TBC1D22A: variants seen among roughly 807,000 people sequenced by gnomAD.
TBC1D22A encodes putative GTPase activator.
TBC1D22A carries 38 observed loss-of-function variants against 60.2 expected under a neutral mutation model. The ratio of observed to expected loss-of-function variants is 0.63; its 90% CI spans 0.49 to 0.83. The LOEUF (loss-of-function observed/expected upper bound fraction) is 0.83, where lower values mean the gene tolerates loss of function less well. TBC1D22A is among the 40% of genes least tolerant of loss of function. The pLI is 0.00. For missense variants in TBC1D22A, 628 were observed against 701.0 expected (o/e 0.90, Z 1.18); for synonymous variants, 302 against 281.7 (o/e 1.07, Z -0.72).
intron 10 of TBC1D22A, among the ~76,000 whole-genome samples, chr22:47,015,611 G>A (rs549320869): frequency 3.3e-5 from 5 of 152,324 alleles, no homozygotes; most frequent in Admixed American, 3.3e-4. Flanking sequence ...TAATTGTTCT[G>A]GTTGAACACG....
intron 12 of TBC1D22A, among the ~76,000 whole-genome samples, chr22:47,126,487 G>A (rs2066462758): frequency 6.6e-6 from 1 of 152,218 alleles, no homozygotes; most frequent in African/African-American, 2.4e-5. Flanking sequence ...TCCTGTCTCT[G>A]CAGCCTGGTG....
chr22:46,873,522 T>G (rs1033332275), intron 4 of TBC1D22A, among the ~76,000 whole-genome samples: 1 of 152,212 alleles, frequency 6.6e-6, no homozygotes, highest in African/African-American at 2.4e-5. Flanking sequence ...ACTTATTTAT[T>G]TTTAAATTCA....
intron 4 of TBC1D22A, among the ~76,000 whole-genome samples, chr22:46,872,749 G>A (rs1370452479): frequency 6.6e-6 from 1 of 152,222 alleles, no homozygotes; most frequent in African/African-American, 2.4e-5. Flanking sequence ...GAGTGTTGGA[G>A]AGGAGGGAAT....
At chr22:46,922,171 C>G (rs1387790236) in intron 8 of TBC1D22A, among the ~76,000 whole-genome samples, 3 of 152,190 alleles carry the variant, frequency 2.0e-5, no homozygotes, top group African/African-American at 7.2e-5. Context: ...TTTTTGTCCA[C>G]TTTGTCAAAG....
At chr22:47,035,691 G>A (rs748284609) in intron 10 of TBC1D22A, among the ~76,000 whole-genome samples, 12 of 152,164 alleles carry the variant, frequency 7.9e-5, no homozygotes, top group African/African-American at 1.2e-4. Context: ...TCCCGCCACA[G>A]CAGGGTCCCA....
In TBC1D22A at chr22:46,990,685, GTC is replaced by G. The variant is rs2074905526; in HGVS notation, c.1126-6946_1126-6945del. Among the ~76,000 whole-genome samples the G allele has an allele frequency of 6.6e-6, 1 of 152,036 alleles. No homozygotes were observed. The highest frequency in any genetic ancestry group is 6.5e-5 in the Admixed American group (1 of 15,268). ...CCACCCAACCCCTGGGCTTTTTACT[GTC>G]TCCATAGTTTCACCTTTGCCAGAAT... is the stretch of plus-strand genomic sequence containing the variant. On this transcript the variant is annotated intron_variant, in intron 9 of 12. Transcript: ENST00000337137. The surrounding 1 kb of genome is among the most constrained non-coding windows in gnomAD (Gnocchi z 4.6).
chr22:46,869,817 G>T (rs776479066), intron 4 of TBC1D22A, among the ~76,000 whole-genome samples: 25 of 152,092 alleles, frequency 1.6e-4, no homozygotes, highest in Non-Finnish European at 3.7e-4. Flanking sequence ...TGAATCTTAA[G>T]AAAAAAAGAC....
At chr22:46,952,706 C>T (rs1057009326) in intron 8 of TBC1D22A, among the ~76,000 whole-genome samples, 2 of 152,206 alleles carry the variant, frequency 1.3e-5, no homozygotes, top group Admixed American at 1.3e-4. Context: ...CCCACACCTG[C>T]TGCCTTGGCC....
intron 7 of TBC1D22A, among the ~76,000 whole-genome samples, chr22:46,896,975 T>G (rs9615418): frequency 0.57 from 85,958 of 152,058 alleles, 27,094 homozygotes; most frequent in Middle Eastern, 0.79. Context: ...GATAGCTTTA[T>G]GAAATTAAAT....
chr22:47,085,222 G>A (rs1032410227), intron 11 of TBC1D22A, among the ~76,000 whole-genome samples: 4 of 152,248 alleles, frequency 2.6e-5, no homozygotes, highest in African/African-American at 9.6e-5. Flanking sequence ...GGAGGTTGCA[G>A]TGAGCTGAGA....
At chr22:46,833,526 G>GCTA (rs1816328457) in intron 4 of TBC1D22A, among the ~76,000 whole-genome samples, 1 of 152,170 alleles carries the variant, frequency 6.6e-6, no homozygotes, top group African/African-American at 2.4e-5. Flanking sequence ...AGGGCTTTGT[G>GCTA]CTACTGTCCC....
intron 9 of TBC1D22A, among the ~76,000 whole-genome samples, chr22:46,978,965 A>G (rs1317596717): frequency 1.3e-5 from 2 of 152,126 alleles, no homozygotes; most frequent in Non-Finnish European, 2.9e-5. Flanking sequence ...CATTCATACT[A>G]TACTATTACT....
intron 4 of TBC1D22A, among the ~76,000 whole-genome samples, chr22:46,798,796 G>A (rs972218367): frequency 5.3e-5 from 8 of 152,240 alleles, no homozygotes; most frequent in African/African-American, 1.7e-4. Flanking sequence ...AGTGGCGCAC[G>A]CGGATGGGCC....
intron 4 of TBC1D22A, among the ~76,000 whole-genome samples, chr22:46,861,677 G>A (rs934004999): frequency 6.6e-6 from 1 of 152,242 alleles, no homozygotes; most frequent in Non-Finnish European, 1.5e-5. Context: ...GAGGGCGGCT[G>A]TTGCCCTCAC....
intron 11 of TBC1D22A, among the ~76,000 whole-genome samples, chr22:47,095,718 T>A (rs150748019): frequency 2.3e-4 from 35 of 152,356 alleles, no homozygotes; most frequent in Non-Finnish European, 4.7e-4. Context: ...CCCTGGCCCC[T>A]GAGGAAACTC....
At chr22:47,082,156 T>C (rs2064494642) in intron 11 of TBC1D22A, among the ~76,000 whole-genome samples, 1 of 151,780 alleles carries the variant, frequency 6.6e-6, no homozygotes, top group African/African-American at 2.4e-5. Flanking sequence ...AGGCTCCATC[T>C]CAAAAATAAA....
intron 10 of TBC1D22A, among the ~76,000 whole-genome samples, chr22:47,027,361 G>A (rs1351160461): frequency 6.6e-6 from 1 of 151,918 alleles, no homozygotes; most frequent in Non-Finnish European, 1.5e-5. Flanking sequence ...AGGTTTTTGG[G>A]GAACAGGTGG....
chr22:47,078,139 G>A (rs8142152), intron 11 of TBC1D22A, among the ~76,000 whole-genome samples: 68,328 of 151,852 alleles, frequency 0.45, 15,808 homozygotes, highest in East Asian at 0.59. Context: ...CACCCTTGAG[G>A]GGGTAGAAAG....
At chr22:46,793,475 G>A (rs1449128906) in intron 2 of TBC1D22A, 26 bp from the exon 3 acceptor site, 31 of 1,612,202 alleles carry the variant, frequency 1.9e-5, no homozygotes, top group Non-Finnish European at 2.5e-5. Context: ...GAGCATGTAC[G>A]AGTAAAGACT....
Sources: allele counts gnomAD v4.1 joint callset (sites outside exome capture counted in the v4.1 genomes callset), GRCh38; gene constraint gnomAD v4.1.1; non-coding constraint Gnocchi (gnomAD v3.1); transcripts MANE v1.5; gene names NCBI Gene and HGNC (gene_info 2026-07-23, HGNC 2026-07-21).